Variants in AUTS2 observed in about 807,000 individuals in gnomAD.
AUTS2 encodes autism susceptibility gene 2 protein.
In AUTS2, 17 loss-of-function variants were observed where a neutral mutation model predicts 112.4. The observed-to-expected ratio is 0.15, with a 90% CI of 0.10 to 0.23. The LOEUF (loss-of-function observed/expected upper bound fraction) is 0.23, where lower values mean the gene tolerates loss of function less well. Among genes scored for constraint, AUTS2 ranks in the 10% least tolerant of loss-of-function variants. The pLI, the probability that AUTS2 is intolerant of heterozygous loss-of-function variation, is 1.00. For synonymous variants in AUTS2, 751 were observed against 702.7 expected, an observed-to-expected ratio of 1.07 and a Z score of -1.09; for missense variants, 1,510 against 1,701.6, an observed-to-expected ratio of 0.89 and a Z score of 1.98.
intron 5 of AUTS2, among the ~76,000 whole-genome samples, chr7:70,466,883 G>A (rs944158711): frequency 1.1e-4 from 16 of 152,176 alleles, no homozygotes; most frequent in Admixed American, 7.2e-4. Context: ...GATTGAGGGA[G>A]GCCAGAGTGA....
chr7:70,581,564 AT>A (rs1407631344), intron 5 of AUTS2, among the ~76,000 whole-genome samples: 4 of 152,114 alleles, frequency 2.6e-5, no homozygotes, highest in Admixed American at 2.6e-4. Flanking sequence ...AAATGTTGAG[AT>A]TCATTGGGCT....
chr7:70,582,202 C>A (rs577461243), intron 5 of AUTS2, among the ~76,000 whole-genome samples: 4 of 152,032 alleles, frequency 2.6e-5, no homozygotes, highest in Non-Finnish European at 5.9e-5. Context: ...TTATCGTTAT[C>A]ATTAAAAGAA....
chr7:69,636,368 A>G (rs952843096), intron 1 of AUTS2, among the ~76,000 whole-genome samples: 3 of 151,154 alleles, frequency 2.0e-5, no homozygotes, highest in African/African-American at 7.3e-5. Context: ...GTACGTAGCT[A>G]GGATTACAGG....
rs532229569 is a variant in AUTS2 at position 70,064,982 on chromosome 7, G to T, written c.523-53150G>T. On this transcript the variant is annotated intron_variant, in intron 2 of 18. Transcript: ENST00000342771. Reference sequence around the variant, plus strand: ...TATATGCCCAGAGACAATAGTAGGCGCTCATCAATTGTTGAATAAATGAAT... The same window carrying T: ...TATATGCCCAGAGACAATAGTAGGCTCTCATCAATTGTTGAATAAATGAAT... Among the ~76,000 whole-genome samples, 4 of 152,216 alleles carry T rather than the reference G, an allele frequency of 2.6e-5. No homozygotes were observed. In the South Asian group the frequency reaches 8.3e-4, roughly 32 times the overall value.
intron 4 of AUTS2, among the ~76,000 whole-genome samples, chr7:70,181,551 C>T (rs2129580824): frequency 6.7e-6 from 1 of 149,858 alleles, no homozygotes; most frequent in Middle Eastern, 3.5e-3. Context: ...GCAGTGGCGC[C>T]ATCTCGGCTC....
At chr7:70,051,098 G>C (rs1014520001) in intron 2 of AUTS2, among the ~76,000 whole-genome samples, 2 of 152,234 alleles carry the variant, frequency 1.3e-5, no homozygotes, top group Non-Finnish European at 2.9e-5. Flanking sequence ...ACTTTGAAGA[G>C]CTGTCCAGGC....
intron 5 of AUTS2, among the ~76,000 whole-genome samples, chr7:70,532,461 TAG>T (rs1800136541): frequency 6.6e-6 from 1 of 152,144 alleles, no homozygotes; most frequent in Non-Finnish European, 1.5e-5. Context: ...TATGAAGGTG[TAG>T]TTGTTCAACC....
chr7:70,070,478 C>CTA (rs893074824), intron 2 of AUTS2, among the ~76,000 whole-genome samples: 3 of 151,286 alleles, frequency 2.0e-5, no homozygotes, highest in African/African-American at 7.3e-5. Context: ...GCTCTGGAGG[C>CTA]TGAGGCAGGA....
chr7:69,848,889 A>G (rs1792333133), intron 1 of AUTS2, among the ~76,000 whole-genome samples: 1 of 151,944 alleles, frequency 6.6e-6, no homozygotes, highest in Non-Finnish European at 1.5e-5. Flanking sequence ...CACCTTTTCG[A>G]CACCCTTGGT....
chr7:70,769,418 G>A (rs909696452), intron 10 of AUTS2, among the ~76,000 whole-genome samples: 12 of 152,224 alleles, frequency 7.9e-5, no homozygotes, highest in Admixed American at 1.3e-4. Context: ...GGGTGCAGTG[G>A]CTCATGCCTG....
intron 2 of AUTS2, among the ~76,000 whole-genome samples, chr7:69,971,046 C>T (rs1409567291): frequency 1.3e-5 from 2 of 152,058 alleles, no homozygotes; most frequent in Non-Finnish European, 2.9e-5. Context: ...GGTGTGGTAG[C>T]GTGTGTCTGT....
At chr7:70,330,681 TAG>T (rs1290713448) in intron 4 of AUTS2, among the ~76,000 whole-genome samples, 1 of 152,238 alleles carries the variant, frequency 6.6e-6, no homozygotes, top group African/African-American at 2.4e-5. Context: ...AGAATTTTGA[TAG>T]AGATTGCATT....
intron 5 of AUTS2, among the ~76,000 whole-genome samples, chr7:70,564,770 G>C (rs764127727): frequency 6.6e-6 from 1 of 152,104 alleles, no homozygotes; most frequent in Non-Finnish European, 1.5e-5. Context: ...TTTGGTTTTT[G>C]TGAGGTTTTT....
chr7:70,271,606 T>A (rs759318516), intron 4 of AUTS2, among the ~76,000 whole-genome samples: 6 of 152,222 alleles, frequency 3.9e-5, no homozygotes, highest in Non-Finnish European at 5.9e-5. Flanking sequence ...CCAGAAATAC[T>A]AATCAAAAAC....
intron 5 of AUTS2, among the ~76,000 whole-genome samples, chr7:70,456,200 C>G (rs1432508567): frequency 6.6e-6 from 1 of 152,184 alleles, no homozygotes; most frequent in African/African-American, 2.4e-5. Context: ...CCAGCCACTT[C>G]CCACCAACTC....
chr7:70,620,862 G>C (rs1804634332), intron 5 of AUTS2, among the ~76,000 whole-genome samples: 1 of 152,112 alleles, frequency 6.6e-6, no homozygotes, highest in South Asian at 2.1e-4. Flanking sequence ...CAGATCAAGG[G>C]GCAGGGAGGG....
intron 1 of AUTS2, among the ~76,000 whole-genome samples, chr7:69,608,824 A>G (rs1792871638): frequency 6.6e-6 from 1 of 152,184 alleles, no homozygotes; most frequent in Admixed American, 6.5e-5. Context: ...GGAAACAAGC[A>G]TTTGATTAGT....
intron 4 of AUTS2, among the ~76,000 whole-genome samples, chr7:70,372,551 G>C (rs1311599590): frequency 6.6e-6 from 1 of 152,060 alleles, no homozygotes; most frequent in Non-Finnish European, 1.5e-5. Context: ...AACAGTAGGG[G>C]GAAGACCTGT....
At chr7:69,679,767 TAGA>T (rs1228953272) in intron 1 of AUTS2, among the ~76,000 whole-genome samples, 2 of 152,202 alleles carry the variant, frequency 1.3e-5, no homozygotes, top group African/African-American at 2.4e-5. Flanking sequence ...TTTTGGGGAG[TAGA>T]AGCAAATGTC....
Sources: allele counts gnomAD v4.1 joint callset (sites outside exome capture counted in the v4.1 genomes callset), GRCh38; gene constraint gnomAD v4.1.1; transcripts MANE v1.5; gene names NCBI Gene and HGNC (gene_info 2026-07-23, HGNC 2026-07-21).